The following FAM13A variants were observed in gnomAD, a reference collection of about 807,000 sequenced individuals.
FAM13A encodes the protein family with sequence similarity 13 member A.
In FAM13A, 76 loss-of-function variants were observed where a neutral mutation model predicts 129.6. That is an observed-to-expected ratio of 0.59 (90% CI 0.49 to 0.71). FAM13A has a LOEUF of 0.71. Among genes scored for constraint, FAM13A ranks in the 30% least tolerant of loss-of-function variants. FAM13A has a pLI of 0.00. For missense variants in FAM13A, 1,108 were observed against 1,249.3 expected (o/e 0.89, Z 1.70); for synonymous variants, 443 against 449.9 (o/e 0.98, Z 0.20).
chr4:89,022,639 G>T (rs562964685), intron 2 of FAM13A, among the ~76,000 whole-genome samples: 2 of 152,120 alleles, frequency 1.3e-5, no homozygotes, highest in African/African-American at 4.8e-5. Context: ...ACTTGAGTGT[G>T]GGCCGGACCT....
At chr4:88,922,200 C>A (rs1435185730) in intron 5 of FAM13A, among the ~76,000 whole-genome samples, 1 of 152,004 alleles carries the variant, frequency 6.6e-6, no homozygotes, top group Non-Finnish European at 1.5e-5. Flanking sequence ...ACCAAGCGGA[C>A]CTAATAGACA....
chr4:88,906,635 T>C (rs1216205799), intron 5 of FAM13A, among the ~76,000 whole-genome samples, 173 bp from the exon 6 acceptor site: 1 of 152,182 alleles, frequency 6.6e-6, no homozygotes, highest in East Asian at 1.9e-4. Flanking sequence ...TTACATGTCA[T>C]ATACAACAAT....
At chr4:88,939,683 C>A (rs1380516991) in intron 4 of FAM13A, among the ~76,000 whole-genome samples, 1 of 152,078 alleles carries the variant, frequency 6.6e-6, no homozygotes, top group African/African-American at 2.4e-5. Context: ...GGATGTCGCT[C>A]CCATGATTGT....
intron 16 of FAM13A, among the ~76,000 whole-genome samples, chr4:88,749,235 A>T (rs560215338): frequency 6.6e-6 from 1 of 152,330 alleles, no homozygotes; most frequent in African/African-American, 2.4e-5. Flanking sequence ...TGCTTTCAAA[A>T]AATTCCTCAG....
intron 6 of FAM13A, among the ~76,000 whole-genome samples, chr4:88,868,375 T>A (rs1184757564): frequency 6.6e-6 from 1 of 152,214 alleles, no homozygotes; most frequent in Non-Finnish European, 1.5e-5. Context: ...GTCATCCCTC[T>A]ATGTTTCCTT....
At chr4:88,949,544 G>A (rs1756585066) in intron 4 of FAM13A, among the ~76,000 whole-genome samples, 3 of 152,144 alleles carry the variant, frequency 2.0e-5, no homozygotes, top group Admixed American at 2.0e-4. Context: ...GTACTCTCCT[G>A]TCTCTGAATC....
chr4:88,761,799 C>T (rs1008363907), intron 13 of FAM13A, among the ~76,000 whole-genome samples: 1 of 151,886 alleles, frequency 6.6e-6, no homozygotes, highest in African/African-American at 2.4e-5. Context: ...TTTAGAGATA[C>T]AAAGACAAAA....
At chr4:88,731,767 C>T in intron 22 of FAM13A, 1 of 516,802 alleles carries the variant, frequency 1.9e-6, no homozygotes, top group Non-Finnish European at 3.4e-6. Context: ...CCACACGATG[C>T]CCTTTAGAGA....
intron 5 of FAM13A, among the ~76,000 whole-genome samples, chr4:88,919,476 T>C (rs745738797): frequency 1.3e-5 from 2 of 152,214 alleles, no homozygotes. Context: ...AATGGATGTT[T>C]TGAGTAAATA....
intron 1 of FAM13A, among the ~76,000 whole-genome samples, chr4:89,042,915 T>G (rs1490880763): frequency 1.3e-5 from 2 of 152,234 alleles, no homozygotes; most frequent in Non-Finnish European, 1.5e-5. Context: ...GTTGAAATGT[T>G]CAAGAACCTA....
At chr4:88,826,972 C>T (rs993169068) in intron 7 of FAM13A, among the ~76,000 whole-genome samples, 2 of 152,186 alleles carry the variant, frequency 1.3e-5, no homozygotes, top group African/African-American at 2.4e-5. Flanking sequence ...CCCTCTGGTG[C>T]TGCAGAGCTA....
chr4:88,972,371 G>A (rs1383600657), intron 4 of FAM13A, among the ~76,000 whole-genome samples: 4 of 147,476 alleles, frequency 2.7e-5, no homozygotes, highest in Non-Finnish European at 3.0e-5. Context: ...GTGCGATCTC[G>A]CCTCACTGCA....
chr4:89,028,175 C>T (rs1768220433), intron 2 of FAM13A, among the ~76,000 whole-genome samples: 1 of 145,088 alleles, frequency 6.9e-6, no homozygotes, highest in African/African-American at 2.6e-5. Flanking sequence ...CATTGCACTA[C>T]AGCCTGGGCT....
rs57198448 is a variant in FAM13A, at chr4:89,054,298, G to GACACAC, written c.27+2634_27+2639dup. On this transcript the variant is annotated intron_variant, in intron 1 of 23. Coordinates refer to ENST00000264344, the MANE Select transcript of FAM13A (RefSeq NM_014883.4). ...ATACAGACACACAAAGATACACACA[G>GACACAC]ACACACACACACACACACACGTACG... is the stretch of plus-strand genomic sequence containing the variant. Among the ~76,000 whole-genome samples the GACACAC allele has an allele frequency of 9.0e-3, 1,342 of 149,920 alleles. 18 individuals carry two copies. Among genetic ancestry groups the GACACAC allele is most frequent in the African/African-American group, 0.03 (1,218 of 40,964 alleles).
Position 88,912,163 on chromosome 4 carries a change from T to C in FAM13A, c.760-5701A>G, listed in dbSNP as rs79208766. On this transcript the variant is annotated intron_variant, in intron 5 of 23. Transcript: ENST00000264344. ...TCCAAAGAGTTGGCAAAACATTATT[T>C]CTGGGTATGTCTGTGAGGGTGTTCT... Among the ~76,000 whole-genome samples the C allele has an allele frequency of 6.5e-4, 96 of 146,684 alleles. 1 individual carries two copies. Among genetic ancestry groups the C allele is most frequent in the African/African-American group, 2.3e-3 (93 of 39,672 alleles).
rs183119080 is a variant in FAM13A, at chr4:89,011,099, C to T, written c.427+9361G>A. Among the ~76,000 whole-genome samples, 19 of 152,230 alleles carry T rather than the reference C, an allele frequency of 1.2e-4. No homozygotes were observed. The East Asian group carries it at 3.1e-3, about 25-fold the overall frequency. ...CTGACCTCAGGTGATCCTCCCATCT[C>T]GGCCTCCCAAAATGCTGGGATTGCA... On this transcript the variant is annotated intron_variant, in intron 3 of 23. Transcript: ENST00000264344.
At chr4:89,026,187 G>C (rs746886429) in intron 2 of FAM13A, among the ~76,000 whole-genome samples, 7 of 152,168 alleles carry the variant, frequency 4.6e-5, no homozygotes, top group African/African-American at 9.7e-5. Flanking sequence ...CTAACTCAGT[G>C]GGATACACAG....
intron 6 of FAM13A, among the ~76,000 whole-genome samples, chr4:88,871,800 C>G: frequency 6.6e-6 from 1 of 152,110 alleles, no homozygotes; most frequent in African/African-American, 2.4e-5. Context: ...GAGAATACCA[C>G]AAAGATACTC....
At chr4:88,790,864 A>T (rs557209322) in intron 8 of FAM13A, among the ~76,000 whole-genome samples, 2 of 152,238 alleles carry the variant, frequency 1.3e-5, no homozygotes, top group South Asian at 4.1e-4. Context: ...AAGGCAGACA[A>T]TTCTATAACT....
Sources: gnomAD v4.1 joint callset for allele counts (sites outside exome capture counted in the v4.1 genomes callset) on GRCh38, gnomAD v4.1.1 for gene constraint, MANE v1.5 for transcripts, NCBI Gene and HGNC (gene_info 2026-07-23, HGNC 2026-07-21) for gene names.